The following NUDT3 variants were observed in gnomAD, a reference collection of about 807,000 sequenced individuals.
The protein encoded by NUDT3 is nudix hydrolase 3.
Under a neutral mutation model 23.6 loss-of-function variants are expected in NUDT3, and 9 were observed. The observed-to-expected ratio is 0.38, with a 90% CI of 0.23 to 0.66. The LOEUF (loss-of-function observed/expected upper bound fraction) is 0.66. Among genes scored for constraint, NUDT3 ranks in the 30% least tolerant of loss-of-function variants. The pLI, the probability that NUDT3 is intolerant of heterozygous loss-of-function variation, is 0.52. For synonymous variants in NUDT3, 86 were observed against 82.6 expected (o/e 1.04, Z -0.22); for missense variants, 172 against 218.5 (o/e 0.79, Z 1.34).
chr6:34,385,833 C>T (rs998194632), intron 1 of NUDT3, among the ~76,000 whole-genome samples: 1 of 151,998 alleles, frequency 6.6e-6, no homozygotes, highest in Admixed American at 6.6e-5. Flanking sequence ...ACAGGCTGCA[C>T]ACCACCGTGC....
In NUDT3 at chr6:34,392,419, C is replaced by T. The variant is rs529536571; in HGVS notation, c.-57G>A. 1.1e-5 allele frequency: 15 copies of T among 1,381,978 alleles called. No individual in the cohort carries two copies. The South Asian group carries it at 1.6e-4, about 15-fold the overall frequency. 85.6% of individuals were successfully genotyped at this position (1,381,978 alleles called of 1,614,324 possible). A position where few individuals can be genotyped will look rare whatever the true frequency, so the allele number is the denominator to read the frequency against. Reference sequence around the variant, plus strand: ...TCGCAGGAGTCGAGGGGTGGGGAGCCCGCTCTGGACGGCCGCGTGCGCGCG... The same window carrying T: ...TCGCAGGAGTCGAGGGGTGGGGAGCTCGCTCTGGACGGCCGCGTGCGCGCG... On this transcript the variant is annotated 5_prime_UTR_variant, in exon 1 of 5. Transcript: ENST00000607016.
intron 2 of NUDT3, among the ~76,000 whole-genome samples, chr6:34,331,969 G>C (rs538004393): frequency 4.9e-4 from 74 of 152,106 alleles, no homozygotes; most frequent in African/African-American, 1.7e-3. Context: ...CTTGATGCTG[G>C]GCTCAAGCAA....
intron 2 of NUDT3, among the ~76,000 whole-genome samples, chr6:34,306,722 A>C (rs954511459): frequency 6.6e-6 from 1 of 152,246 alleles, no homozygotes; most frequent in Non-Finnish European, 1.5e-5. Context: ...CTGTACACTT[A>C]GCCACTAAAC....
intron 1 of NUDT3, among the ~76,000 whole-genome samples, chr6:34,344,591 T>C (rs1370064888): frequency 6.6e-6 from 1 of 152,040 alleles, no homozygotes; most frequent in Admixed American, 6.6e-5. Flanking sequence ...AGGGTTTTAT[T>C]TGGGGAAAAT....
rs375005731 is a variant in NUDT3, at chr6:34,383,946, C to T, written c.99+8318G>A. ...CCAGTCATGACGGGATCAATGAACC[C>T]ATCATGATCTTAGAGCAATGTAATA... On this transcript the variant is annotated intron_variant, in intron 1 of 4. Coordinates refer to ENST00000607016, the MANE Select transcript of NUDT3 (RefSeq NM_006703.4). Among the ~76,000 whole-genome samples, 4 of 152,208 alleles carry T rather than the reference C, an allele frequency of 2.6e-5. No homozygotes were observed. The East Asian group carries it at 5.8e-4, about 22-fold the overall frequency.
chr6:34,304,057 A>G (rs1242485467), intron 2 of NUDT3, among the ~76,000 whole-genome samples: 1 of 152,138 alleles, frequency 6.6e-6, no homozygotes, highest in Non-Finnish European at 1.5e-5. Flanking sequence ...GTTCGAGAGT[A>G]GCCTGGCCAA....
intron 1 of NUDT3, among the ~76,000 whole-genome samples, chr6:34,349,918 G>A (rs759177906): frequency 2.0e-5 from 3 of 150,100 alleles, no homozygotes; most frequent in African/African-American, 7.5e-5. Context: ...GTGAAACCCC[G>A]TCTCTACTAA....
chr6:34,296,032 C>T (rs369492559), intron 2 of NUDT3, among the ~76,000 whole-genome samples: 3 of 152,190 alleles, frequency 2.0e-5, no homozygotes, highest in Non-Finnish European at 4.4e-5. Flanking sequence ...CTCTGGGAGG[C>T]TGAATTGGGA....
chr6:34,380,783 C>G (rs1276736919), intron 1 of NUDT3, among the ~76,000 whole-genome samples: 3 of 152,166 alleles, frequency 2.0e-5, no homozygotes, highest in Non-Finnish European at 4.4e-5. Flanking sequence ...CTTTCTTTAT[C>G]CACAATACGT....
chr6:34,351,490 C>G (rs913378228), intron 1 of NUDT3, among the ~76,000 whole-genome samples: 3 of 148,236 alleles, frequency 2.0e-5, no homozygotes, highest in African/African-American at 7.6e-5. Context: ...GCCTGTAATC[C>G]TAGCACTTTG....
intron 1 of NUDT3, among the ~76,000 whole-genome samples, chr6:34,350,933 A>G (rs1419456926): frequency 6.6e-6 from 1 of 150,566 alleles, no homozygotes; most frequent in African/African-American, 2.5e-5. Context: ...TTTTAAGAAC[A>G]ATATGAAAAG....
chr6:34,354,617 G>A (rs1764531096), intron 1 of NUDT3, among the ~76,000 whole-genome samples: 1 of 151,514 alleles, frequency 6.6e-6, no homozygotes, highest in African/African-American at 2.4e-5. Flanking sequence ...CAACTACTTG[G>A]GAGGTTGAGG....
At chr6:34,365,946 CAGG>C (rs1310234007) in intron 1 of NUDT3, among the ~76,000 whole-genome samples, 7 of 152,266 alleles carry the variant, frequency 4.6e-5, no homozygotes, top group Middle Eastern at 3.4e-3. Context: ...GAGACTGAAG[CAGG>C]AGAATTGCTT....
At chr6:34,366,249 C>T (rs897610796) in intron 1 of NUDT3, among the ~76,000 whole-genome samples, 7 of 149,420 alleles carry the variant, frequency 4.7e-5, no homozygotes, top group Non-Finnish European at 4.5e-5. Flanking sequence ...GTGATGCATG[C>T]CTATAATCCC....
intron 2 of NUDT3, 40 bp downstream of exon 2, chr6:34,341,822 A>T: frequency 3.2e-6 from 5 of 1,580,130 alleles, no homozygotes; most frequent in Non-Finnish European, 4.3e-6. Flanking sequence ...CAGGTTCATG[A>T]TGACGAGGCA....
chr6:34,331,892 TAACA>T (rs1764134653), intron 2 of NUDT3, among the ~76,000 whole-genome samples: 1 of 152,100 alleles, frequency 6.6e-6, no homozygotes, highest in African/African-American at 2.4e-5. Context: ...TTTTTTTTGT[TAACA>T]GACAGGGTCT....
intron 1 of NUDT3, among the ~76,000 whole-genome samples, chr6:34,372,122 T>A (rs910390488): frequency 6.6e-6 from 1 of 152,170 alleles, no homozygotes; most frequent in African/African-American, 2.4e-5. Context: ...ATGTGCCATA[T>A]TTTCTTAATC....
chr6:34,381,942 G>C (rs1189374959), intron 1 of NUDT3, among the ~76,000 whole-genome samples: 1 of 151,502 alleles, frequency 6.6e-6, no homozygotes, highest in Non-Finnish European at 1.5e-5. Flanking sequence ...GCTTGGTGGT[G>C]GACACCTGTA....
chr6:34,342,707 T>A (rs1024976003), intron 1 of NUDT3, among the ~76,000 whole-genome samples: 17 of 152,224 alleles, frequency 1.1e-4, no homozygotes, highest in South Asian at 6.2e-4. Context: ...TTAGACTCCC[T>A]GTTTGGAGGC....
Sources: gnomAD v4.1 joint callset for allele counts (sites outside exome capture counted in the v4.1 genomes callset) on GRCh38, gnomAD v4.1.1 for gene constraint, MANE v1.5 for transcripts, NCBI Gene and HGNC (gene_info 2026-07-23, HGNC 2026-07-21) for gene names.